TAF13: variants seen among roughly 807,000 people sequenced by gnomAD.
TAF13 encodes the protein transcription initiation factor TFIID subunit 13.
TAF13 carries 9 observed loss-of-function variants against 18.7 expected under a neutral mutation model. The observed-to-expected ratio is 0.48, with a 90% CI of 0.29 to 0.84. TAF13 has a LOEUF of 0.84. Among genes scored for constraint, TAF13 ranks in the 40% least tolerant of loss-of-function variants. TAF13 has a pLI of 0.08. For missense variants in TAF13, 105 were observed against 146.5 expected (o/e 0.72, Z 1.46); for synonymous variants, 49 against 44.1 (o/e 1.11, Z -0.44).
chr1:109,065,510 A>C (rs34781027), intron 3 of TAF13, among the ~76,000 whole-genome samples: 9,188 of 151,526 alleles, frequency 0.061, 318 homozygotes, highest in African/African-American at 0.076. Flanking sequence ...CACACACACA[A>C]AAAATTGCGT....
intron 2 of TAF13, among the ~76,000 whole-genome samples, 154 bp downstream of exon 2, chr1:109,074,833 G>A (rs888837720): frequency 1.5e-4 from 23 of 151,702 alleles, no homozygotes; most frequent in Non-Finnish European, 1.0e-4. Flanking sequence ...GTTAGGATTG[G>A]TACTATCTGA....
chr1:109,064,337 T>C lies in TAF13; in HGVS notation c.*186A>G, dbSNP rs1303064195. The C allele has an allele frequency of 1.2e-5, 5 of 429,104 alleles. No homozygotes were observed. The highest frequency in any genetic ancestry group is 2.0e-5 in the African/African-American group (1 of 48,952). The allele number at this position is 429,104 out of a possible 1,614,324, so 26.6% of individuals were successfully genotyped here. On this transcript the variant is annotated 3_prime_UTR_variant, in exon 4 of 4. Transcript: ENST00000338366. ...CCAGTAAGTAATTCAAGTATGGTAA[T>C]ATAAAGGCAGGCAATTACATGCACC...
At chr1:109,073,895 G>T (rs1008788807) in intron 2 of TAF13, among the ~76,000 whole-genome samples, 1 of 151,526 alleles carries the variant, frequency 6.6e-6, no homozygotes, top group African/African-American at 2.4e-5. Flanking sequence ...GCCTCTGCTC[G>T]GCCGCTACTC....
At chr1:109,073,647 G>A (rs1036765996) in intron 2 of TAF13, among the ~76,000 whole-genome samples, 1 of 152,188 alleles carries the variant, frequency 6.6e-6, no homozygotes. Context: ...GATTCCAGAC[G>A]GAGTCTCGCT....
chr1:109,066,152 C>CT lies in TAF13; in HGVS notation c.186dup (p.Glu63ArgfsTer5). ...AATCTTACCATTTCAGTGATAAACTCTATGACAAGATCTTCAAGAATATCC... is the reference window on the plus strand; with the variant it reads ...AATCTTACCATTTCAGTGATAAACTCTTATGACAAGATCTTCAAGAATATCC... On this transcript the variant is annotated frameshift_variant, in exon 3 of 4. Transcript: ENST00000338366. LOFTEE classifies it high-confidence loss of function. The CT allele has an allele frequency of 6.2e-7, 1 of 1,611,346 alleles. No homozygotes were observed. Among genetic ancestry groups the CT allele is most frequent in the South Asian group, 1.1e-5 (1 of 90,464 alleles).
chr1:109,075,122 TTAA>T (rs903618424), intron 1 of TAF13, 57 bp from the exon 2 acceptor site: 18 of 1,431,860 alleles, frequency 1.3e-5, no homozygotes, highest in African/African-American at 5.7e-5. Flanking sequence ...ATTTGATATT[TTAA>T]TAATGACATT....
intron 2 of TAF13, among the ~76,000 whole-genome samples, chr1:109,071,106 G>A (rs528046644): frequency 5.3e-5 from 8 of 152,072 alleles, no homozygotes; most frequent in Non-Finnish European, 1.2e-4. Flanking sequence ...AGACCAGTCT[G>A]GCCAACATGG....
At chr1:109,069,452 T>A (rs147926318) in intron 2 of TAF13, among the ~76,000 whole-genome samples, 1 of 152,164 alleles carries the variant, frequency 6.6e-6, no homozygotes, top group Admixed American at 6.6e-5. Context: ...TAGGGAATAG[T>A]GACAAGGAAA....
intron 2 of TAF13, among the ~76,000 whole-genome samples, chr1:109,068,734 G>C (rs1228734106): frequency 6.6e-6 from 1 of 152,120 alleles, no homozygotes; most frequent in Non-Finnish European, 1.5e-5. Flanking sequence ...CAGCGCGGTG[G>C]TTCACGCCTA....
chr1:109,067,319 G>A (rs1340839289), intron 2 of TAF13, among the ~76,000 whole-genome samples: 4 of 151,832 alleles, frequency 2.6e-5, no homozygotes, highest in South Asian at 4.2e-4. Flanking sequence ...TTAGCTGGGC[G>A]TAGGCCTGGA....
rs769266613 is a variant in TAF13 at position 109,075,981 on chromosome 1, G to C, written c.-34C>G. ...CACGCCAACTCACAGCGTCCTGCCG[G>C]CTGGCTCCCAGCTGGTTACACTACT... is the stretch of plus-strand genomic sequence containing the variant. On this transcript the variant is annotated 5_prime_UTR_variant, in exon 1 of 4. Transcript: ENST00000338366. 51 of 1,614,028 alleles carry C rather than the reference G, an allele frequency of 3.2e-5. No individual in the cohort carries two copies. The highest frequency in any genetic ancestry group is 4.2e-5 in the Non-Finnish European group (50 of 1,180,050).
chr1:109,075,126 T>C, intron 1 of TAF13, 61 bp from the exon 2 acceptor site: 1 of 1,413,960 alleles, frequency 7.1e-7, no homozygotes, highest in Admixed American at 2.3e-5. Flanking sequence ...GATATTTTAA[T>C]AATGACATTT....
intron 2 of TAF13, among the ~76,000 whole-genome samples, chr1:109,071,963 T>A (rs559723364): frequency 0.055 from 484 of 8,740 alleles, 20 homozygotes; most frequent in East Asian, 0.36. Context: ...AGAAAATATA[T>A]ATATATATAT....
At chr1:109,065,933 A>C (rs1342214572) in intron 3 of TAF13, among the ~76,000 whole-genome samples, 2 of 152,078 alleles carry the variant, frequency 1.3e-5, no homozygotes, top group Admixed American at 1.3e-4. Flanking sequence ...AAAAAAAAAA[A>C]AAACAAAAGG....
At chr1:109,072,883 C>T (rs1054289639) in intron 2 of TAF13, among the ~76,000 whole-genome samples, 4 of 151,052 alleles carry the variant, frequency 2.6e-5, no homozygotes, top group Non-Finnish European at 4.4e-5. Flanking sequence ...TGGGTTCAAG[C>T]GAGCACGTCT....
rs139446186 is a variant in TAF13, at chr1:109,066,446, C to T, written c.107-214G>A. Among the ~76,000 whole-genome samples, 562 of 146,848 alleles carry T rather than the reference C, an allele frequency of 3.8e-3. 3 individuals are homozygous for T. The highest frequency in any genetic ancestry group is 0.015 in the African/African-American group (532 of 36,438). On this transcript the variant is annotated intron_variant, in intron 2 of 3. Coordinates refer to ENST00000338366, the MANE Select transcript of TAF13 (RefSeq NM_005645.4). The stretch of plus-strand genomic sequence containing the variant: ...TTCCCACGTAGCCTCCAGCAAAACT[C>T]TTCCTTCCTCCCACCTACTGAACCC...
chr1:109,064,171 A>AAAG lies in TAF13; in HGVS notation c.*351_*352insCTT, dbSNP rs1663909843. On this transcript the variant is annotated 3_prime_UTR_variant, in exon 4 of 4. Coordinates refer to ENST00000338366, the MANE Select transcript of TAF13 (RefSeq NM_005645.4). ...GACTCCATCTCAAAAAAAAAAAAAA[A>AAAG]AAAAAAAAAAGCTACAGTATAGCTT... 6.6e-6 allele frequency: 1 copy of AAAG among 151,480 alleles called. No individual in the cohort carries two copies. The allele number at this position is 151,480 out of a possible 1,614,324, so 9.4% of individuals were successfully genotyped here.
intron 2 of TAF13, among the ~76,000 whole-genome samples, chr1:109,069,045 C>T (rs1368656123): frequency 4.6e-5 from 7 of 152,040 alleles, no homozygotes; most frequent in Admixed American, 6.6e-5. Flanking sequence ...TGAAATCATA[C>T]GGAAAAATTT....
intron 1 of TAF13, 116 bp downstream of exon 1, chr1:109,075,805 C>G: frequency 7.1e-7 from 1 of 1,400,838 alleles, no homozygotes; most frequent in Non-Finnish European, 1.0e-6. Context: ...GTGAAGTCCC[C>G]GAACTCTGTC....
Sources: gnomAD v4.1 joint callset for allele counts (sites outside exome capture counted in the v4.1 genomes callset) on GRCh38, gnomAD v4.1.1 for gene constraint, MANE v1.5 for transcripts, NCBI Gene and HGNC (gene_info 2026-07-23, HGNC 2026-07-21) for gene names.